DCN: variants seen among roughly 807,000 people sequenced by gnomAD.
The protein encoded by DCN is decorin.
A neutral mutation model predicts 36.5 loss-of-function variants in DCN; 17 were observed. That is an observed-to-expected ratio of 0.47 (90% CI 0.32 to 0.70). DCN has a LOEUF of 0.70. Among genes scored for constraint, DCN ranks in the 30% least tolerant of loss-of-function variants. DCN has a pLI of 0.04. For synonymous variants in DCN, 163 were observed against 161.4 expected, an observed-to-expected ratio of 1.01 and a Z score of -0.07; for missense variants, 389 against 430.1, an observed-to-expected ratio of 0.90 and a Z score of 0.84.
intron 2 of DCN, among the ~76,000 whole-genome samples, chr12:91,167,597 C>T (rs1373060333): frequency 6.6e-6 from 1 of 152,090 alleles, no homozygotes; most frequent in African/African-American, 2.4e-5. Flanking sequence ...AGATGGCAGG[C>T]TCTTCTTTTG....
At position 91,142,433 on chromosome 12, in the gene DCN, G is replaced by T. The variant is rs999706504; in HGVS notation, c.*3625C>A. ...ATTATGATATCCTGCAGCTGCCTCT[G>T]CAATAAAATTGTGGAATAAACCAGT... On this transcript the variant is annotated 3_prime_UTR_variant, in exon 8 of 8. Coordinates refer to ENST00000052754, the MANE Select transcript of DCN (RefSeq NM_001920.5). The T allele has an allele frequency of 1.3e-5, 2 of 152,170 alleles. No homozygotes were observed. Among genetic ancestry groups the T allele is most frequent in the African/African-American group, 4.8e-5 (2 of 41,438 alleles). 9.4% of individuals were successfully genotyped at this position (152,170 alleles called of 1,614,324 possible).
At chr12:91,172,960 C>A in intron 2 of DCN, 2 of 462,312 alleles carry the variant, frequency 4.3e-6, no homozygotes, top group South Asian at 3.9e-5. Context: ...ATAGAATAAT[C>A]AAAGCAAATG....
chr12:91,170,321 T>C (rs1163551495), intron 2 of DCN, among the ~76,000 whole-genome samples: 4 of 152,182 alleles, frequency 2.6e-5, no homozygotes, highest in Non-Finnish European at 4.4e-5. Context: ...TTCTTTTCTG[T>C]ACAATTACTA....
chr12:91,168,727 T>C (rs998019046), intron 2 of DCN, among the ~76,000 whole-genome samples: 5 of 152,250 alleles, frequency 3.3e-5, no homozygotes, highest in African/African-American at 4.8e-5. Context: ...AATTATATTT[T>C]TTCCTGTTTC....
intron 2 of DCN, chr12:91,176,971 C>T (rs988633221): frequency 7.2e-5 from 11 of 152,302 alleles, no homozygotes; most frequent in African/African-American, 2.4e-4. Flanking sequence ...ATCCAATCTC[C>T]CCTGTGGCAA....
rs1253838285 is a variant in DCN, at chr12:91,158,515, G to A, written c.325-6C>T. 6.9e-6 allele frequency: 10 copies of A among 1,440,794 alleles called. No homozygotes were observed. Among genetic ancestry groups the A allele is most frequent in the Non-Finnish European group, 9.8e-6 (10 of 1,022,214 alleles). The allele number at this position is 1,440,794 out of a possible 1,614,324, so 89.3% of individuals were successfully genotyped here. On this transcript the variant is annotated splice_polypyrimidine_tract_variant and splice_region_variant and intron_variant, in intron 3 of 7. Transcript: ENST00000052754. The stretch of plus-strand genomic sequence containing the variant: ...TTGTTGACAAGAATCAATGCCTGTA[G>A]ATAGTGAAGAAAAACATCTCTTTAA...
intron 3 of DCN, among the ~76,000 whole-genome samples, chr12:91,160,665 A>T (rs1882100805): frequency 6.6e-6 from 1 of 152,144 alleles, no homozygotes; most frequent in African/African-American, 2.4e-5. Flanking sequence ...AAATAAGTTA[A>T]TGTATATAAG....
chr12:91,176,821 A>T (rs1268066534), intron 2 of DCN: 1 of 152,168 alleles, frequency 6.6e-6, no homozygotes, highest in Admixed American at 6.5e-5. Flanking sequence ...TCGCCATTTT[A>T]GTAACTTCAG....
intron 7 of DCN, chr12:91,151,240 A>C (rs187965342): frequency 1.0e-3 from 213 of 209,788 alleles, no homozygotes; most frequent in Non-Finnish European, 9.3e-4. Flanking sequence ...AGGCCATGTC[A>C]AAAAGAATCA....
rs145597441 is a variant in DCN, at chr12:91,178,499, C to A, written c.54G>T (p.Pro18=). 1 of 1,613,706 alleles carries A rather than the reference C, an allele frequency of 6.2e-7. No individual in the cohort carries two copies. The highest frequency in any genetic ancestry group is 1.3e-5 in the African/African-American group (1 of 74,900). Residue 18 remains proline, a synonymous_variant, in exon 2 of 8, where the codon CCG becomes CCT. Coordinates refer to ENST00000052754, the MANE Select transcript of DCN (RefSeq NM_001920.5). ...LLLAQVSWAG[P]FQQRGLFDFM... ...AGTCAAATAAGCCTCTCTGTTGAAA[C>A]GGTCCAGCCCAGGAAACTTGTGCAA...
At chr12:91,162,398 ATTAT>A (rs1193455942) in intron 3 of DCN, among the ~76,000 whole-genome samples, 4 of 152,136 alleles carry the variant, frequency 2.6e-5, no homozygotes, top group African/African-American at 9.7e-5. Context: ...TGGTATCTTC[ATTAT>A]AGTAACTCTG....
At chr12:91,146,349 C>CA in intron 7 of DCN, 97 bp from the exon 8 acceptor site, 133 of 473,906 alleles carry the variant, frequency 2.8e-4, no homozygotes, top group Middle Eastern at 6.0e-4. Context: ...TTTAATCCTT[C>CA]ACTTTTTTTT....
intron 2 of DCN, among the ~76,000 whole-genome samples, chr12:91,174,962 A>G (rs1272000243): frequency 1.3e-5 from 2 of 152,140 alleles, no homozygotes; most frequent in Non-Finnish European, 2.9e-5. Flanking sequence ...GCTAAGCCAA[A>G]GAGTACCTAA....
rs3138268 is a variant in DCN at position 91,151,736 on chromosome 12, G to A, written c.803C>T (p.Thr268Met). ...CAAGTGAAGCTCCCTCAGATGAGGCGTGTTGGCCAGAGAGCCATTGTCAAC... is the reference window on the plus strand; with the variant it reads ...CAAGTGAAGCTCCCTCAGATGAGGCATGTTGGCCAGAGAGCCATTGTCAAC... Reference protein sequence around the residue: ...SAVDNGSLANTPHLRELHLDN... With the variant: ...SAVDNGSLANMPHLRELHLDN... Residue 268 changes from threonine (T) to methionine (M), a missense_variant, in exon 7 of 8, where the codon ACG becomes ATG. Transcript: ENST00000052754. 5,292 of 1,614,014 alleles carry A rather than the reference G, an allele frequency of 3.3e-3. 129 individuals are homozygous for A. In the African/African-American group the frequency reaches 0.057, roughly 17 times the overall value.
chr12:91,166,879 A>C (rs964230367), intron 2 of DCN, among the ~76,000 whole-genome samples: 10 of 152,184 alleles, frequency 6.6e-5, no homozygotes, highest in Admixed American at 1.3e-4. Context: ...GCTCTGAATT[A>C]GTAAATTTAT....
chr12:91,171,296 G>A (rs2121290669), intron 2 of DCN, among the ~76,000 whole-genome samples: 1 of 152,132 alleles, frequency 6.6e-6, no homozygotes, highest in East Asian at 1.9e-4. Context: ...ATATCTGTGG[G>A]CTTTCTCTAC....
intron 2 of DCN, among the ~76,000 whole-genome samples, chr12:91,165,063 TAGTC>T (rs1882464832): frequency 6.6e-6 from 1 of 152,198 alleles, no homozygotes. Context: ...TTTTGATAAG[TAGTC>T]AGCACGAGTG....
chr12:91,155,868 A>T (rs1774498303), intron 5 of DCN, among the ~76,000 whole-genome samples: 1 of 152,134 alleles, frequency 6.6e-6, no homozygotes, highest in Non-Finnish European at 1.5e-5. Flanking sequence ...GACTAGGAGG[A>T]GGGCAAGGGG....
At position 91,164,504 on chromosome 12, in the gene DCN, CT is replaced by C. The variant is rs1347520713; in HGVS notation, c.324+100del. ...GGTGAAGTTAATAAACACTAATGTG[CT>C]TCTTTGTTGGTACATAGTACTCTTG... On this transcript the variant is annotated intron_variant, in intron 3 of 7. Transcript: ENST00000052754. 5.8e-6 allele frequency: 3 copies of C among 514,738 alleles called. No individual in the cohort carries two copies. The East Asian group carries it at 1.3e-4, about 23-fold the overall frequency. The allele number at this position is 514,738 out of a possible 1,614,324, so 31.9% of individuals were successfully genotyped here.
Sources: allele counts gnomAD v4.1 joint callset (sites outside exome capture counted in the v4.1 genomes callset), GRCh38; gene constraint gnomAD v4.1.1; transcripts MANE v1.5; gene names NCBI Gene and HGNC (gene_info 2026-07-23, HGNC 2026-07-21).